The following THSD7B variants were observed in gnomAD, a reference collection of about 807,000 sequenced individuals.
THSD7B encodes the protein thrombospondin type-1 domain-containing protein 7B.
Under a neutral mutation model 213.6 loss-of-function variants are expected in THSD7B, and 138 were observed. That is an observed-to-expected ratio of 0.65 (90% CI 0.56 to 0.74). The LOEUF (loss-of-function observed/expected upper bound fraction) is 0.74, where lower values mean the gene tolerates loss of function less well. THSD7B is among the 30% of genes least tolerant of loss of function. The pLI is 0.00. For missense variants in THSD7B, 1,931 were observed against 1,991.5 expected, an observed-to-expected ratio of 0.97 and a Z score of 0.58; for synonymous variants, 742 against 687.0, an observed-to-expected ratio of 1.08 and a Z score of -1.25.
intron 21 of THSD7B, among the ~76,000 whole-genome samples, chr2:137,654,816 G>A (rs912001959): frequency 2.8e-4 from 42 of 152,176 alleles, no homozygotes; most frequent in African/African-American, 9.4e-4. Flanking sequence ...TTTTGGAGCT[G>A]AAGTCTTCTC....
chr2:137,188,375 T>C (rs543603100), intron 7 of THSD7B, among the ~76,000 whole-genome samples: 1 of 152,322 alleles, frequency 6.6e-6, no homozygotes, highest in African/African-American at 2.4e-5. Flanking sequence ...AGATACTCTA[T>C]CTGGAAGTCT....
chr2:137,157,811 T>C (rs34163089), intron 5 of THSD7B, among the ~76,000 whole-genome samples: 7,063 of 152,280 alleles, frequency 0.046, 199 homozygotes, highest in Admixed American at 0.07. Flanking sequence ...AATGAATTAA[T>C]GTTGATAAGT....
intron 10 of THSD7B, among the ~76,000 whole-genome samples, chr2:137,264,111 T>C (rs115233567): frequency 0.041 from 6,276 of 152,250 alleles, 153 homozygotes; most frequent in African/African-American, 0.07. Context: ...CACAAATATT[T>C]ATTAATGATG....
intron 2 of THSD7B, among the ~76,000 whole-genome samples, chr2:137,030,325 A>G (rs1686641433): frequency 6.6e-6 from 1 of 152,180 alleles, no homozygotes; most frequent in Admixed American, 6.5e-5. Context: ...TTCATTTTTA[A>G]GGATATGGAG....
At chr2:137,525,603 C>T (rs1045169921) in intron 15 of THSD7B, among the ~76,000 whole-genome samples, 7 of 151,970 alleles carry the variant, frequency 4.6e-5, no homozygotes, top group Non-Finnish European at 8.8e-5. Context: ...TTATGTTGAT[C>T]GATGTGAGCC....
At chr2:137,280,163 A>G (rs930343611) in intron 12 of THSD7B, among the ~76,000 whole-genome samples, 5 of 152,190 alleles carry the variant, frequency 3.3e-5, no homozygotes, top group African/African-American at 1.2e-4. Context: ...AAGATTCTAC[A>G]TAGCCAACCT....
chr2:137,485,187 T>C (rs1688404748), intron 15 of THSD7B, among the ~76,000 whole-genome samples: 1 of 116,140 alleles, frequency 8.6e-6, no homozygotes. Context: ...CCATCTTGAA[T>C]TAATTTTTGT....
rs370446180 is a variant in THSD7B, at chr2:137,268,316, C to T, written c.2267-4217C>T. ...TATCCCTCCCCCAGGCCCCCACCCC[C>T]CAACAGGCCCCAGTGTGTGATGTTC... is the stretch of plus-strand genomic sequence containing the variant. On this transcript the variant is annotated intron_variant, in intron 10 of 27. Transcript: ENST00000409968. Among the ~76,000 whole-genome samples, 23 of 151,594 alleles carry T rather than the reference C, an allele frequency of 1.5e-4. 1 individual carries two copies. The East Asian group carries it at 3.5e-3, about 23-fold the overall frequency.
intron 4 of THSD7B, among the ~76,000 whole-genome samples, chr2:137,104,586 G>A (rs1230571033): frequency 4.0e-5 from 6 of 151,878 alleles, no homozygotes; most frequent in Non-Finnish European, 7.4e-5. Flanking sequence ...ATAGAGACAC[G>A]AAAAGCCCTT....
chr2:137,170,383 CA>C (rs748620501), intron 6 of THSD7B, among the ~76,000 whole-genome samples: 1 of 152,036 alleles, frequency 6.6e-6, no homozygotes, highest in Non-Finnish European at 1.5e-5. Context: ...AAATCAACAG[CA>C]AAAAGAAAAT....
chr2:136,927,236 C>T (rs1403945886), intron 2 of THSD7B, among the ~76,000 whole-genome samples: 4 of 151,028 alleles, frequency 2.6e-5, no homozygotes, highest in African/African-American at 7.3e-5. Context: ...TCTCTCCCTC[C>T]CGTTTTTCCC....
chr2:137,515,701 T>TC (rs1680054632), intron 15 of THSD7B, among the ~76,000 whole-genome samples: 1 of 151,790 alleles, frequency 6.6e-6, no homozygotes. Flanking sequence ...GCTCAGGGAG[T>TC]TAAAAAAGTT....
At chr2:137,354,550 C>T (rs1228315744) in intron 12 of THSD7B, among the ~76,000 whole-genome samples, 1 of 151,890 alleles carries the variant, frequency 6.6e-6, no homozygotes, top group African/African-American at 2.4e-5. Context: ...TTATAGATGT[C>T]CAAGTATTTT....
chr2:137,202,349 T>G (rs753927724), intron 7 of THSD7B, among the ~76,000 whole-genome samples: 3 of 152,098 alleles, frequency 2.0e-5, no homozygotes, highest in Non-Finnish European at 4.4e-5. Flanking sequence ...TCCTGGATTA[T>G]CTCAGATGGA....
chr2:136,916,411 G>A (rs975495486), intron 2 of THSD7B, among the ~76,000 whole-genome samples: 4 of 152,170 alleles, frequency 2.6e-5, no homozygotes, highest in Non-Finnish European at 5.9e-5. Context: ...CAGGCAGACG[G>A]TTAGTGTGCA....
At chr2:137,482,461 G>T (rs372245811) in intron 15 of THSD7B, among the ~76,000 whole-genome samples, 1 of 152,102 alleles carries the variant, frequency 6.6e-6, no homozygotes, top group Non-Finnish European at 1.5e-5. Flanking sequence ...AATGGGTGGC[G>T]CAGGATGAAT....
At chr2:137,297,478 A>G (rs538938723) in intron 12 of THSD7B, among the ~76,000 whole-genome samples, 2 of 151,712 alleles carry the variant, frequency 1.3e-5, no homozygotes, top group Non-Finnish European at 2.9e-5. Context: ...AAATACTCAG[A>G]TATCTAAAAA....
chr2:137,019,435 T>C (rs1013723768), intron 2 of THSD7B, among the ~76,000 whole-genome samples: 35 of 152,238 alleles, frequency 2.3e-4, no homozygotes, highest in African/African-American at 8.4e-4. Context: ...TTCCAACTCC[T>C]GTGTGTAACC....
chr2:137,537,786 T>G (rs911296105), intron 15 of THSD7B, among the ~76,000 whole-genome samples: 6 of 151,734 alleles, frequency 4.0e-5, no homozygotes, highest in Admixed American at 3.3e-4. Flanking sequence ...CATTTATTCA[T>G]CTTTCTAAAA....
Sources: gnomAD v4.1 joint callset for allele counts (sites outside exome capture counted in the v4.1 genomes callset) on GRCh38, gnomAD v4.1.1 for gene constraint, MANE v1.5 for transcripts, NCBI Gene and HGNC (gene_info 2026-07-23, HGNC 2026-07-21) for gene names.